The following ODR4 variants were observed in gnomAD, a reference collection of about 807,000 sequenced individuals.
ODR4 encodes odr-4 GPCR localization factor homolog, also known as protein odr-4 homolog.
ODR4 carries 47 observed loss-of-function variants against 60.2 expected under a neutral mutation model. That is an observed-to-expected ratio of 0.78 (90% CI 0.62 to 1.00). The LOEUF is 1.00. Ranked by LOEUF, ODR4 falls within the 50% of genes least tolerant of loss-of-function variation. ODR4 has a pLI of 0.00. For missense variants in ODR4, 488 were observed against 530.8 expected (o/e 0.92, Z 0.79); for synonymous variants, 178 against 175.5 (o/e 1.01, Z -0.11).
At chr1:186,431,319 A>AT in the ODR4 span, among the ~76,000 whole-genome samples, 1 of 152,166 alleles carries the variant, frequency 6.6e-6, no homozygotes, top group African/African-American at 2.4e-5. Context: ...AAATCGTGGA[A>AT]TTGCCAGAGA....
chr1:186,393,627 A>G (rs1452347903), intron 8 of ODR4, among the ~76,000 whole-genome samples: 5 of 152,244 alleles, frequency 3.3e-5, no homozygotes, highest in Non-Finnish European at 2.9e-5. Context: ...AAGCAGCTAC[A>G]GGAGATACAT....
chr1:186,422,198 A>G (rs972872649), downstream of ODR4, among the ~76,000 whole-genome samples: 1 of 152,148 alleles, frequency 6.6e-6, no homozygotes, highest in Non-Finnish European at 1.5e-5. Flanking sequence ...GTGTAGCTTT[A>G]GTGATATTAA....
intron 12 of ODR4, among the ~76,000 whole-genome samples, chr1:186,412,148 A>G (rs1444116163): frequency 6.6e-6 from 1 of 152,216 alleles, no homozygotes; most frequent in Non-Finnish European, 1.5e-5. Flanking sequence ...CAAGAAGCCC[A>G]CAGTGCAATG....
chr1:186,401,225 G>GTA, intron 11 of ODR4: 1 of 1,475,836 alleles, frequency 6.8e-7, no homozygotes. Flanking sequence ...GCCCCTAACA[G>GTA]CAGTTGTACT....
In ODR4 at chr1:186,415,924, T is replaced by C. The variant is rs141830388; in HGVS notation, c.1187-1620T>C. On this transcript the variant is annotated intron_variant, in intron 12 of 13. Coordinates refer to ENST00000287859, the MANE Select transcript of ODR4 (RefSeq NM_017847.6). Reference sequence around the variant, plus strand: ...TATGTTTTCCATTTGTAAAATGCGATGATGTCCTTGCCTTGCTTACCATTC... The same window carrying C: ...TATGTTTTCCATTTGTAAAATGCGACGATGTCCTTGCCTTGCTTACCATTC... Among the ~76,000 whole-genome samples the C allele has an allele frequency of 3.5e-3, 538 of 152,354 alleles. 10 individuals are homozygous for C. The highest frequency in any genetic ancestry group is 0.026 in the Admixed American group (404 of 15,302).
At chr1:186,432,718 A>AT in the ODR4 span, among the ~76,000 whole-genome samples, 3 of 151,650 alleles carry the variant, frequency 2.0e-5, no homozygotes, top group Admixed American at 1.3e-4. Context: ...GTTTTAAAAA[A>AT]TTTTTTTAAT....
chr1:186,405,624 C>T (rs1442637273), intron 11 of ODR4, among the ~76,000 whole-genome samples: 1 of 152,172 alleles, frequency 6.6e-6, no homozygotes, highest in African/African-American at 2.4e-5. Flanking sequence ...GCGATCTTGG[C>T]TCACCGCAAC....
At chr1:186,376,096 C>T (rs758941016) in intron 1 of ODR4, 122 bp downstream of exon 1, 1 of 151,908 alleles carries the variant, frequency 6.6e-6, no homozygotes, top group Non-Finnish European at 1.5e-5. Flanking sequence ...ACACTTCTGA[C>T]GAACTTACCT....
At chr1:186,431,147 T>C in the ODR4 span, among the ~76,000 whole-genome samples, 4 of 152,170 alleles carry the variant, frequency 2.6e-5, no homozygotes, top group African/African-American at 4.8e-5. Flanking sequence ...GGTGTAAATA[T>C]ATACGGACTT....
intron 11 of ODR4, among the ~76,000 whole-genome samples, chr1:186,404,632 G>T (rs979280615): frequency 6.6e-6 from 1 of 152,186 alleles, no homozygotes; most frequent in African/African-American, 2.4e-5. Flanking sequence ...TCTACAGCTA[G>T]GAGGCAGTCT....
intron 3 of ODR4, among the ~76,000 whole-genome samples, chr1:186,384,573 A>ACT (rs1558062382): frequency 9.1e-5 from 8 of 87,490 alleles, no homozygotes; most frequent in Admixed American, 5.9e-4. Context: ...ATTGTATATG[A>ACT]CACACACACA....
rs986106695 is a variant in ODR4, at chr1:186,420,768, G to A, written c.*1692G>A. 3.3e-5 allele frequency: 5 copies of A among 152,054 alleles called. No individual in the cohort carries two copies. The highest frequency in any genetic ancestry group is 1.5e-5 in the Non-Finnish European group (1 of 68,020). The allele number at this position is 152,054 out of a possible 1,614,324, so 9.4% of individuals were successfully genotyped here. A position where few individuals can be genotyped will look rare whatever the true frequency, so the allele number is the denominator to read the frequency against. On this transcript the variant is annotated 3_prime_UTR_variant, in exon 14 of 14. Coordinates refer to ENST00000287859, the MANE Select transcript of ODR4 (RefSeq NM_017847.6). ...ACATTGGAAAGTTAAGAGAGTTCGA[G>A]GGAAGAATTATAAAGACTAGGAGTC...
chr1:186,379,187 T>A (rs1659918961), intron 1 of ODR4, among the ~76,000 whole-genome samples: 1 of 152,144 alleles, frequency 6.6e-6, no homozygotes, highest in Admixed American at 6.5e-5. Context: ...CTCACGCCTG[T>A]AATCCCAGCA....
Position 186,406,266 on chromosome 1 carries a change from C to G in ODR4, c.1184C>G (p.Thr395Arg). The change falls in exon 12 of 14, where the codon ACA becomes AGA. Residue 395 changes from threonine to arginine, a missense_variant and splice_region_variant. Coordinates refer to ENST00000287859, the MANE Select transcript of ODR4 (RefSeq NM_017847.6). ...EDLEIAEETN[T>R]ACMSSSMNSQ... ...TTGGAAATTGCAGAGGAAACAAACA[C>G]AGGTCATTATATGATGCTATTTAAG... 2 of 1,596,076 alleles carry G rather than the reference C, an allele frequency of 1.3e-6. No individual in the cohort carries two copies. Among genetic ancestry groups the G allele is most frequent in the Non-Finnish European group, 1.7e-6 (2 of 1,171,380 alleles).
intron 3 of ODR4, among the ~76,000 whole-genome samples, chr1:186,384,872 G>C (rs1660194103): frequency 6.6e-6 from 1 of 152,090 alleles, no homozygotes; most frequent in Admixed American, 6.5e-5. Context: ...TTAAGGATTA[G>C]AGCATGGTAC....
chr1:186,418,236 A>G (rs6700930), intron 13 of ODR4, among the ~76,000 whole-genome samples: 87,167 of 149,932 alleles, frequency 0.58, 25,359 homozygotes, highest in East Asian at 0.65. Context: ...TTTTTTGTAC[A>G]TGTGTGTGTG....
intron 12 of ODR4, among the ~76,000 whole-genome samples, 168 bp downstream of exon 12, chr1:186,406,436 G>A (rs1661177540): frequency 6.6e-6 from 1 of 152,010 alleles, no homozygotes; most frequent in African/African-American, 2.4e-5. Context: ...ATTTCTACAT[G>A]TCTAGACATA....
At chr1:186,387,039 A>T (rs1571666484) in intron 4 of ODR4, among the ~76,000 whole-genome samples, 1 of 152,318 alleles carries the variant, frequency 6.6e-6, no homozygotes, top group South Asian at 2.1e-4. Flanking sequence ...TTCATACCCC[A>T]AAAGAGGGGG....
At chr1:186,415,537 A>G (rs1661532367) in intron 12 of ODR4, among the ~76,000 whole-genome samples, 1 of 152,196 alleles carries the variant, frequency 6.6e-6, no homozygotes, top group African/African-American at 2.4e-5. Context: ...GGAGTTCTAT[A>G]GAGTAGCATT....
Sources: allele counts gnomAD v4.1 joint callset (sites outside exome capture counted in the v4.1 genomes callset), GRCh38; gene constraint gnomAD v4.1.1; transcripts MANE v1.5; gene names NCBI Gene and HGNC (gene_info 2026-07-23, HGNC 2026-07-21).